The following PDGFD variants were observed in gnomAD, a reference collection of about 807,000 sequenced individuals.
PDGFD encodes platelet-derived growth factor D.
A neutral mutation model predicts 44.7 loss-of-function variants in PDGFD; 30 were observed. That is an observed-to-expected ratio of 0.67 (90% CI 0.50 to 0.91). The LOEUF is 0.91. Among genes scored for constraint, PDGFD ranks in the 40% least tolerant of loss-of-function variants. The pLI, the probability that PDGFD is intolerant of heterozygous loss-of-function variation, is 0.00. For synonymous variants in PDGFD, 173 were observed against 168.4 expected (o/e 1.03, Z -0.21); for missense variants, 445 against 457.8 (o/e 0.97, Z 0.25).
chr11:103,976,986 A>G (rs1001906467), intron 3 of PDGFD, among the ~76,000 whole-genome samples: 3 of 152,134 alleles, frequency 2.0e-5, no homozygotes, highest in African/African-American at 7.2e-5. Flanking sequence ...TCAAATAAAC[A>G]GAATAGAAAA....
rs1862312811 is a variant in PDGFD, at chr11:104,156,722, TATC to T, written c.124+7079_124+7081del. On this transcript the variant is annotated intron_variant, in intron 1 of 6. Transcript: ENST00000393158. Reference sequence around the variant, plus strand: ...AGGGAAGATGAAGGAAAAGACATATTATCATGTGCATTATCAACAGTTATAAGA... The same window carrying T: ...AGGGAAGATGAAGGAAAAGACATATTATGTGCATTATCAACAGTTATAAGA... 3.9e-5 allele frequency among the ~76,000 whole-genome samples: 6 copies of T among 152,326 alleles called. 1 individual carries two copies. The South Asian group carries it at 1.0e-3, about 26-fold the overall frequency.
intron 1 of PDGFD, among the ~76,000 whole-genome samples, chr11:104,151,250 C>G (rs370054989): frequency 1.3e-5 from 2 of 152,170 alleles, no homozygotes; most frequent in African/African-American, 4.8e-5. Context: ...GGTCCTGTAT[C>G]CATATTTTGT....
chr11:104,099,703 T>C (rs1310633438), intron 1 of PDGFD, among the ~76,000 whole-genome samples: 1 of 150,712 alleles, frequency 6.6e-6, no homozygotes, highest in Non-Finnish European at 1.5e-5. Flanking sequence ...GGAATATATC[T>C]CATCTTCCTG....
chr11:103,930,510 T>C (rs1413664447), intron 5 of PDGFD, among the ~76,000 whole-genome samples: 1 of 151,460 alleles, frequency 6.6e-6, no homozygotes, highest in Non-Finnish European at 1.5e-5. Flanking sequence ...ATCATTACTC[T>C]TACTTTTGCA....
intron 5 of PDGFD, among the ~76,000 whole-genome samples, chr11:103,928,732 C>T (rs1232861585): frequency 1.3e-5 from 2 of 152,178 alleles, no homozygotes; most frequent in Admixed American, 6.5e-5. Flanking sequence ...CATGTCATAA[C>T]TTTAGCTATA....
intron 1 of PDGFD, chr11:104,037,907 C>T: frequency 1.2e-6 from 2 of 1,614,080 alleles, no homozygotes. Context: ...TATTTTCTTC[C>T]TGAGGGAGAG....
At chr11:104,060,010 T>G (rs1215070749) in intron 1 of PDGFD, among the ~76,000 whole-genome samples, 1 of 152,196 alleles carries the variant, frequency 6.6e-6, no homozygotes, top group African/African-American at 2.4e-5. Context: ...AGGAGAAACA[T>G]CAGAATGAAA....
chr11:103,964,477 C>T (rs1256141455), intron 3 of PDGFD, among the ~76,000 whole-genome samples: 1 of 152,112 alleles, frequency 6.6e-6, no homozygotes, highest in Non-Finnish European at 1.5e-5. Flanking sequence ...GGACTAGATC[C>T]CATGTCTCCT....
intron 3 of PDGFD, among the ~76,000 whole-genome samples, chr11:103,980,017 G>A (rs1056371149): frequency 7.2e-5 from 11 of 151,814 alleles, no homozygotes; most frequent in South Asian, 2.1e-4. Flanking sequence ...CTTTGTATGC[G>A]TATTTATATA....
intron 3 of PDGFD, among the ~76,000 whole-genome samples, chr11:103,965,362 T>A (rs182130465): frequency 1.3e-5 from 2 of 152,298 alleles, no homozygotes; most frequent in African/African-American, 4.8e-5. Context: ...AGAGGTCATC[T>A]CGTTAATAGT....
chr11:104,135,153 AT>A (rs1481690235), intron 1 of PDGFD, among the ~76,000 whole-genome samples: 18 of 182 alleles, frequency 0.099, no homozygotes, highest in Non-Finnish European at 0.14. Context: ...ATATAATAAC[AT>A]TTAACATTTA....
intron 1 of PDGFD, among the ~76,000 whole-genome samples, chr11:104,026,661 C>T (rs1219851586): frequency 6.6e-6 from 1 of 152,122 alleles, no homozygotes; most frequent in African/African-American, 2.4e-5. Flanking sequence ...AGAGCAGTCC[C>T]CTAGGTTTGA....
chr11:103,931,389 G>A (rs753148144), intron 5 of PDGFD, among the ~76,000 whole-genome samples: 26 of 152,064 alleles, frequency 1.7e-4, no homozygotes, highest in Admixed American at 1.3e-4. Context: ...TGCTTGTTTT[G>A]GTCAACAAGA....
intron 1 of PDGFD, among the ~76,000 whole-genome samples, chr11:104,128,084 C>T (rs924562): frequency 0.13 from 19,361 of 151,390 alleles, 1,377 homozygotes; most frequent in East Asian, 0.29. Flanking sequence ...GCTGTTAAAG[C>T]TCTGCAGCAT....
intron 3 of PDGFD, among the ~76,000 whole-genome samples, chr11:103,968,320 T>G (rs866127446): frequency 1.5e-4 from 23 of 152,270 alleles, no homozygotes; most frequent in Admixed American, 6.5e-4. Context: ...ATATCCCAGG[T>G]CAAGAAATCT....
rs1857985810 is a variant in PDGFD, at chr11:103,909,044, G to C, written c.*650C>G. On this transcript the variant is annotated 3_prime_UTR_variant, in exon 7 of 7. Coordinates refer to ENST00000393158, the MANE Select transcript of PDGFD (RefSeq NM_025208.5). ...TAAAGCACTTATATTATTATGGCAT[G>C]GTTTTGGAGACAGGTTATTATAGTC... 6.6e-6 allele frequency: 1 copy of C among 152,178 alleles called. No individual in the cohort carries two copies. Among genetic ancestry groups the C allele is most frequent in the Non-Finnish European group, 1.5e-5 (1 of 68,022 alleles). 9.4% of individuals were successfully genotyped at this position (152,178 alleles called of 1,614,324 possible). A position where few individuals can be genotyped will look rare whatever the true frequency, so the allele number is the denominator to read the frequency against.
chr11:104,021,960 A>G (rs1387087770), intron 1 of PDGFD, among the ~76,000 whole-genome samples: 3 of 152,150 alleles, frequency 2.0e-5, no homozygotes, highest in Non-Finnish European at 4.4e-5. Flanking sequence ...TTTCACAAGT[A>G]CTAAGAATCC....
chr11:104,027,683 G>A (rs1860062559), intron 1 of PDGFD, among the ~76,000 whole-genome samples: 1 of 152,186 alleles, frequency 6.6e-6, no homozygotes, highest in Admixed American at 6.5e-5. Context: ...TCTTGTGTGT[G>A]TTTATGTGAC....
chr11:104,013,708 A>C (rs1366188776), intron 1 of PDGFD, among the ~76,000 whole-genome samples: 1 of 151,946 alleles, frequency 6.6e-6, no homozygotes, highest in Non-Finnish European at 1.5e-5. Context: ...CCATATATAA[A>C]AGCATCAGGC....
Sources: gnomAD v4.1 joint callset for allele counts (sites outside exome capture counted in the v4.1 genomes callset) on GRCh38, gnomAD v4.1.1 for gene constraint, MANE v1.5 for transcripts, NCBI Gene and HGNC (gene_info 2026-07-23, HGNC 2026-07-21) for gene names.